The following FBXL7 variants were observed in gnomAD, a reference collection of about 807,000 sequenced individuals.
FBXL7 encodes the protein F-box and leucine rich repeat protein 7.
A neutral mutation model predicts 38.3 loss-of-function variants in FBXL7; 12 were observed. The observed-to-expected ratio is 0.31, with a 90% CI of 0.20 to 0.51. The LOEUF is 0.51. Among genes scored for constraint, FBXL7 ranks in the 20% least tolerant of loss-of-function variants. The pLI is 0.98. For synonymous variants in FBXL7, 297 were observed against 300.9 expected (o/e 0.99, Z 0.13); for missense variants, 567 against 676.4 (o/e 0.84, Z 1.79).
At chr5:15,731,012 G>A (rs1735569325) in intron 2 of FBXL7, among the ~76,000 whole-genome samples, 1 of 152,148 alleles carries the variant, frequency 6.6e-6, no homozygotes, top group Non-Finnish European at 1.5e-5. Context: ...TATTACTGAT[G>A]TCTGGGAGCA....
rs1423249839 is a variant in FBXL7, at chr5:15,846,939, AAAT to A, written c.128-80950_128-80948del. ...ATAGAAATTAAAAATTATAAGAAAA[AAAT>A]GTTCTACCAGATTGGGTGGAAAATT... On this transcript the variant is annotated intron_variant, in intron 2 of 3. Coordinates refer to ENST00000504595, the MANE Select transcript of FBXL7 (RefSeq NM_012304.5). 3.9e-5 allele frequency among the ~76,000 whole-genome samples: 6 copies of A among 152,310 alleles called. No homozygotes were observed. In the East Asian group the frequency reaches 1.2e-3, roughly 29 times the overall value.
intron 2 of FBXL7, 94 bp downstream of exon 2, chr5:15,616,166 C>G: frequency 3.7e-6 from 3 of 814,470 alleles, no homozygotes; most frequent in South Asian, 3.3e-5. Context: ...GTTCTATTCT[C>G]CTGAGTGGGA....
rs188491970 is a variant in FBXL7 at position 15,620,532 on chromosome 5, G to C, written c.127+4460G>C. 9.9e-5 allele frequency among the ~76,000 whole-genome samples: 15 copies of C among 151,772 alleles called. No homozygotes were observed. The East Asian group carries it at 2.7e-3, about 28-fold the overall frequency. On this transcript the variant is annotated intron_variant, in intron 2 of 3. Transcript: ENST00000504595. ...CCTAAAGTGCTGTTATTACAGGCGTGAGCCACCGCACCTGGCCCACAAACT... is the reference window on the plus strand; with the variant it reads ...CCTAAAGTGCTGTTATTACAGGCGTCAGCCACCGCACCTGGCCCACAAACT...
intron 2 of FBXL7, among the ~76,000 whole-genome samples, chr5:15,819,780 T>G (rs1268343077): frequency 6.6e-6 from 1 of 152,156 alleles, no homozygotes; most frequent in Non-Finnish European, 1.5e-5. Flanking sequence ...AGCCCTGTAC[T>G]TCACCGCACA....
intron 2 of FBXL7, among the ~76,000 whole-genome samples, chr5:15,890,937 A>T (rs1740877713): frequency 6.8e-6 from 1 of 146,834 alleles, no homozygotes; most frequent in South Asian, 2.3e-4. Flanking sequence ...TGATATATTT[A>T]AAAAGATAAT....
Position 15,630,788 on chromosome 5 carries a change from TAGG to T in FBXL7, c.127+14720_127+14722del, listed in dbSNP as rs112042656. ...TTAATGGATTCACCAAAACATGAAGTAGGAGGTTGAATTCATCATTTAATCTGG... is the reference window on the plus strand; with the variant it reads ...TTAATGGATTCACCAAAACATGAAGTAGGTTGAATTCATCATTTAATCTGG... On this transcript the variant is annotated intron_variant, in intron 2 of 3. Coordinates refer to ENST00000504595, the MANE Select transcript of FBXL7 (RefSeq NM_012304.5). 6.8e-3 allele frequency among the ~76,000 whole-genome samples: 1,036 copies of T among 152,228 alleles called. 10 individuals carry two copies. The highest frequency in any genetic ancestry group is 0.024 in the African/African-American group (1,007 of 41,548).
chr5:15,656,990 GAAA>G (rs548228160), intron 2 of FBXL7, among the ~76,000 whole-genome samples: 1 of 151,836 alleles, frequency 6.6e-6, no homozygotes, highest in East Asian at 1.9e-4. Context: ...AATAATATTG[GAAA>G]AAAAGTCATG....
At chr5:15,867,606 T>C (rs1311299218) in intron 2 of FBXL7, among the ~76,000 whole-genome samples, 2 of 152,224 alleles carry the variant, frequency 1.3e-5, no homozygotes, top group Non-Finnish European at 2.9e-5. Flanking sequence ...ATGAGTTCTA[T>C]TAAATGGCAA....
At chr5:15,509,121 A>G (rs1736726277) in intron 1 of FBXL7, among the ~76,000 whole-genome samples, 1 of 152,214 alleles carries the variant, frequency 6.6e-6, no homozygotes, top group Non-Finnish European at 1.5e-5. Context: ...CAGAAGCTAC[A>G]GACTAGAACC....
chr5:15,565,290 G>A (rs1196969816), intron 1 of FBXL7, among the ~76,000 whole-genome samples: 1 of 151,952 alleles, frequency 6.6e-6, no homozygotes, highest in Non-Finnish European at 1.5e-5. Context: ...AAAAATGTGA[G>A]GAAAGGAAAT....
At chr5:15,639,401 T>C (rs1741285395) in intron 2 of FBXL7, among the ~76,000 whole-genome samples, 1 of 152,116 alleles carries the variant, frequency 6.6e-6, no homozygotes, top group African/African-American at 2.4e-5. Flanking sequence ...GCTGTTCTTA[T>C]GATAGTGAAT....
chr5:15,611,493 G>A (rs542214340), intron 1 of FBXL7, among the ~76,000 whole-genome samples: 3 of 152,138 alleles, frequency 2.0e-5, no homozygotes, highest in Non-Finnish European at 4.4e-5. Flanking sequence ...TGAGTTCCAT[G>A]ACAGTGCATC....
intron 3 of FBXL7, chr5:15,935,208 ACT>A: frequency 1.9e-6 from 1 of 534,430 alleles, no homozygotes; most frequent in South Asian, 1.4e-5. Context: ...GCCCTGTTAG[ACT>A]CTGGATTTTA....
At chr5:15,741,102 G>A (rs183646445) in intron 2 of FBXL7, among the ~76,000 whole-genome samples, 67 of 152,136 alleles carry the variant, frequency 4.4e-4, no homozygotes, top group African/African-American at 1.4e-3. Context: ...GCAAACAGGT[G>A]GCACAAGGCT....
At chr5:15,539,968 G>A (rs1737700419) in intron 1 of FBXL7, among the ~76,000 whole-genome samples, 1 of 151,972 alleles carries the variant, frequency 6.6e-6, no homozygotes, top group Non-Finnish European at 1.5e-5. Context: ...TTTCAAAATG[G>A]CTTTATTCTC....
intron 2 of FBXL7, among the ~76,000 whole-genome samples, chr5:15,823,139 G>A (rs890301033): frequency 1.3e-5 from 2 of 152,186 alleles, no homozygotes; most frequent in African/African-American, 4.8e-5. Context: ...GCCTGTTGCC[G>A]TATAAGCCGT....
At chr5:15,675,211 A>G (rs1742613000) in intron 2 of FBXL7, among the ~76,000 whole-genome samples, 1 of 152,220 alleles carries the variant, frequency 6.6e-6, no homozygotes, top group Non-Finnish European at 1.5e-5. Flanking sequence ...TATTAATTGA[A>G]AGTATTTTTG....
rs377071413 is a variant in FBXL7 at position 15,936,805 on chromosome 5, C to A, written c.1095C>A (p.Asp365Glu). Reference protein sequence around the residue: ...LSIAHCGRVTDVGIRYVAKYC... With the variant: ...LSIAHCGRVTEVGIRYVAKYC... ...TCGCGCACTGCGGCCGGGTCACCGA[C>A]GTGGGCATCCGCTACGTGGCCAAGT... Residue 365 changes from aspartate to glutamate, a missense_variant, in exon 4 of 4, where the codon GAC becomes GAA. Coordinates refer to ENST00000504595, the MANE Select transcript of FBXL7 (RefSeq NM_012304.5). This position sits in a 1 kb window ranked among gnomAD's most constrained non-coding sequence, Gnocchi z 6.0. 1 of 1,612,770 alleles carries A rather than the reference C, an allele frequency of 6.2e-7. No individual in the cohort carries two copies. Among genetic ancestry groups the A allele is most frequent in the East Asian group, 2.2e-5 (1 of 44,854 alleles).
At chr5:15,773,860 C>T (rs1233753452) in intron 2 of FBXL7, among the ~76,000 whole-genome samples, 1 of 152,074 alleles carries the variant, frequency 6.6e-6, no homozygotes, top group Non-Finnish European at 1.5e-5. Flanking sequence ...TCACTGGATG[C>T]CCCGGTCAAC....
Sources: allele counts gnomAD v4.1 joint callset (sites outside exome capture counted in the v4.1 genomes callset), GRCh38; gene constraint gnomAD v4.1.1; non-coding constraint Gnocchi (gnomAD v3.1); transcripts MANE v1.5; gene names NCBI Gene and HGNC (gene_info 2026-07-23, HGNC 2026-07-21).